Variants in NECTIN3 observed in about 807,000 individuals in gnomAD.
The protein encoded by NECTIN3 is nectin cell adhesion molecule 3, also known as nectin-3.
In NECTIN3, 8 loss-of-function variants were observed where a neutral mutation model predicts 49.4. That is an observed-to-expected ratio of 0.16 (90% CI 0.10 to 0.29). The LOEUF is 0.29. Ranked by LOEUF, NECTIN3 falls within the 10% of genes least tolerant of loss-of-function variation. The probability of loss-of-function intolerance (pLI) is 1.00; values close to 1 mark genes in which losing one functional copy is unlikely to be tolerated. For synonymous variants in NECTIN3, 277 were observed against 241.1 expected (o/e 1.15, Z -1.38); for missense variants, 581 against 654.6 (o/e 0.89, Z 1.23).
intron 1 of NECTIN3, among the ~76,000 whole-genome samples, chr3:111,108,631 G>A (rs1389448742): frequency 6.6e-6 from 1 of 152,148 alleles, no homozygotes. Flanking sequence ...TCTTCAGGCT[G>A]CACAGGAAAC....
chr3:111,194,139 G>T (rs1281716935), intron 1 of NECTIN3, among the ~76,000 whole-genome samples: 4 of 152,050 alleles, frequency 2.6e-5, no homozygotes, highest in Admixed American at 2.0e-4. Context: ...AGCCTATTTT[G>T]CACCTATTAA....
At chr3:111,145,022 C>T in exon 6 of NECTIN3, 1 of 1,536,336 alleles carries the variant, frequency 6.5e-7, no homozygotes, top group South Asian at 1.2e-5. Context: ...AAAAGACCAT[C>T]CTATCTTGAC....
chr3:111,185,002 A>G (rs1322610902), intron 7 of NECTIN3, among the ~76,000 whole-genome samples: 1 of 152,218 alleles, frequency 6.6e-6, no homozygotes, highest in Non-Finnish European at 1.5e-5. Flanking sequence ...GTATCACTCA[A>G]TTCTAATCAA....
At chr3:111,150,175 A>G (rs940515483) in intron 7 of NECTIN3, among the ~76,000 whole-genome samples, 4 of 152,024 alleles carry the variant, frequency 2.6e-5, no homozygotes, top group Non-Finnish European at 5.9e-5. Flanking sequence ...ATTTGACTCT[A>G]CTGAGAATGA....
chr3:111,111,668 A>G (rs4682032), intron 1 of NECTIN3, among the ~76,000 whole-genome samples: 7,684 of 152,296 alleles, frequency 0.05, 279 homozygotes, highest in Middle Eastern at 0.11. Context: ...AGTGTCAGCC[A>G]GAGCTGGGAA....
intron 1 of NECTIN3, among the ~76,000 whole-genome samples, chr3:111,110,158 C>A (rs1429791304): frequency 6.6e-6 from 1 of 151,616 alleles, no homozygotes; most frequent in Non-Finnish European, 1.5e-5. Flanking sequence ...ATAATTATTT[C>A]TTTTCCTTCC....
chr3:111,150,317 A>G (rs1013201921), intron 7 of NECTIN3, among the ~76,000 whole-genome samples: 4 of 151,968 alleles, frequency 2.6e-5, no homozygotes, highest in Non-Finnish European at 5.9e-5. Flanking sequence ...CTCTCCTGAT[A>G]CCTATTTTCA....
In NECTIN3 at chr3:111,134,770, A is replaced by C; in HGVS notation, c.*555A>C. On this transcript the variant is annotated 3_prime_UTR_variant, in exon 6 of 6. Transcript: ENST00000485303. ...ACATTATTTTCTAAGTTTCTATACA[A>C]ATGAAATCTTTACCTCTGCATATTA... is the stretch of plus-strand genomic sequence containing the variant. The C allele has an allele frequency of 1.0e-6, 1 of 970,160 alleles. No individual in the cohort carries two copies. The highest frequency in any genetic ancestry group is 1.2e-6 in the Non-Finnish European group (1 of 816,172). The allele number at this position is 970,160 out of a possible 1,614,324, so 60.1% of individuals were successfully genotyped here. A position where few individuals can be genotyped will look rare whatever the true frequency, so the allele number is the denominator to read the frequency against.
intron 1 of NECTIN3, among the ~76,000 whole-genome samples, chr3:111,094,887 T>C (rs1248727361): frequency 6.6e-6 from 1 of 152,206 alleles, no homozygotes; most frequent in Non-Finnish European, 1.5e-5. Context: ...CTATCATCAG[T>C]TAATGGTAGA....
chr3:111,134,673 T>C lies in NECTIN3; in HGVS notation c.*458T>C, dbSNP rs1052947419. 4 of 856,476 alleles carry C rather than the reference T, an allele frequency of 4.7e-6. No individual in the cohort carries two copies. Among genetic ancestry groups the C allele is most frequent in the Non-Finnish European group, 5.6e-6 (4 of 712,886 alleles). The allele number at this position is 856,476 out of a possible 1,614,324, so 53.1% of individuals were successfully genotyped here. A position where few individuals can be genotyped will look rare whatever the true frequency, so the allele number is the denominator to read the frequency against. The stretch of plus-strand genomic sequence containing the variant: ...CATCAAAATTGACTATAAAACTAAT[T>C]CAAGAAATATTTATATATATTTTTT... On this transcript the variant is annotated 3_prime_UTR_variant, in exon 6 of 6. Coordinates refer to ENST00000485303, the MANE Select transcript of NECTIN3 (RefSeq NM_015480.3).
chr3:111,115,089 G>A (rs1006304759), intron 2 of NECTIN3, among the ~76,000 whole-genome samples: 1 of 152,270 alleles, frequency 6.6e-6, no homozygotes, highest in East Asian at 1.9e-4. Flanking sequence ...ATTGTAGACA[G>A]CATCCGTGGC....
At chr3:111,154,382 AT>A (rs1330922669) in intron 7 of NECTIN3, among the ~76,000 whole-genome samples, 4 of 152,116 alleles carry the variant, frequency 2.6e-5, no homozygotes, top group African/African-American at 4.8e-5. Flanking sequence ...AATATACTGC[AT>A]TTTGTTTATA....
intron 4 of NECTIN3, among the ~76,000 whole-genome samples, chr3:111,123,858 T>C (rs961705603): frequency 3.3e-5 from 5 of 152,174 alleles, no homozygotes; most frequent in Non-Finnish European, 7.4e-5. Flanking sequence ...GTCCTGTGAA[T>C]TGTAAGATGT....
chr3:111,073,400 A>T (rs1427147260), intron 1 of NECTIN3: 1 of 152,326 alleles, frequency 6.6e-6, no homozygotes, highest in Non-Finnish European at 1.5e-5. Context: ...GATGGGATTG[A>T]GTGTCTCTTC....
In NECTIN3 at chr3:111,166,832, C is replaced by CTA. The variant is rs200509162; in HGVS notation, c.1221+19353_1221+19354dup. On this transcript the variant is annotated intron_variant, in intron 7 of 8. Transcript: ENST00000493615. ...CTGTTTAGAATTTTTATCACTAAAA[C>CTA]TATATACTATGTATATGTGAATACA... 5.0e-3 allele frequency among the ~76,000 whole-genome samples: 764 copies of CTA among 152,242 alleles called. 20 individuals are homozygous for CTA. The highest frequency in any genetic ancestry group is 1.0e-3 in the Non-Finnish European group (69 of 68,016).
chr3:111,148,081 G>A (rs570568191), intron 7 of NECTIN3, among the ~76,000 whole-genome samples: 1 of 152,202 alleles, frequency 6.6e-6, no homozygotes, highest in East Asian at 1.9e-4. Flanking sequence ...TTGTATGTTT[G>A]TTTTGTCTTT....
At chr3:111,089,873 G>T (rs1019675802) in intron 1 of NECTIN3, among the ~76,000 whole-genome samples, 1 of 152,048 alleles carries the variant, frequency 6.6e-6, no homozygotes, top group African/African-American at 2.4e-5. Context: ...ATGCCATGAT[G>T]TAGATTTGTC....
In NECTIN3 at chr3:111,118,893, T is replaced by C. The variant is rs372289790; in HGVS notation, c.740T>C (p.Val247Ala). Reference sequence around the variant, plus strand: ...GCTAGAGGAAGGCGAATTACTTGTGTTGTAAAACATCCAGCCTTGGAAAAG... The same window carrying C: ...GCTAGAGGAAGGCGAATTACTTGTGCTGTAAAACATCCAGCCTTGGAAAAG... Reference protein sequence around the residue: ...RFARGRRITCVVKHPALEKDI... With the variant: ...RFARGRRITCAVKHPALEKDI... Residue 247 changes from valine (V) to alanine (A), a missense_variant, in exon 3 of 6, where the codon GTT (valine) becomes GCT (alanine). Around this residue, in one of 3 missense-constraint regions of NECTIN3, gnomAD observed 234 missense variants for 340.6 expected, o/e 0.69. Coordinates refer to ENST00000485303, the MANE Select transcript of NECTIN3 (RefSeq NM_015480.3). 2.5e-6 allele frequency: 4 copies of C among 1,614,076 alleles called. No individual in the cohort carries two copies. The African/African-American group carries it at 5.3e-5, about 22-fold the overall frequency.
intron 2 of NECTIN3, among the ~76,000 whole-genome samples, chr3:111,117,876 G>T (rs922746975): frequency 6.6e-6 from 1 of 152,044 alleles, no homozygotes; most frequent in African/African-American, 2.4e-5. Context: ...TTCTAACATT[G>T]TTACTTTACC....
Sources: gnomAD v4.1 joint callset for allele counts (sites outside exome capture counted in the v4.1 genomes callset) on GRCh38, gnomAD v4.1.1 for gene constraint, gnomAD v4.1.1 regional missense constraint, MANE v1.5 for transcripts, NCBI Gene and HGNC (gene_info 2026-07-23, HGNC 2026-07-21) for gene names.